Variants in ACSL1 observed in about 807,000 individuals in gnomAD.
The protein encoded by ACSL1 is acyl-CoA synthetase long chain family member 1.
A neutral mutation model predicts 98.4 loss-of-function variants in ACSL1; 41 were observed. The ratio of observed to expected loss-of-function variants is 0.42; its 90% CI spans 0.32 to 0.54. ACSL1 has a LOEUF of 0.54. Ranked by LOEUF, ACSL1 falls within the 20% of genes least tolerant of loss-of-function variation. ACSL1 has a pLI of 0.13. For synonymous variants in ACSL1, 316 were observed against 322.7 expected, an observed-to-expected ratio of 0.98 and a Z score of 0.22; for missense variants, 734 against 883.1, an observed-to-expected ratio of 0.83 and a Z score of 2.14.
At chr4:184,818,370 C>CA (rs1320408429) in intron 1 of ACSL1, among the ~76,000 whole-genome samples, 1 of 152,200 alleles carries the variant, frequency 6.6e-6, no homozygotes, top group African/African-American at 2.4e-5. Context: ...TTCTCCAACA[C>CA]AAGTGAAACT....
intron 3 of ACSL1, among the ~76,000 whole-genome samples, chr4:184,787,127 T>C (rs1767521642): frequency 6.6e-6 from 1 of 152,174 alleles, no homozygotes; most frequent in South Asian, 2.1e-4. Flanking sequence ...CATCAGAGGA[T>C]TTAAATAACA....
Position 184,757,831 on chromosome 4 carries a change from C to T in ACSL1, c.1872G>A (p.Leu624=), listed in dbSNP as rs1762315278. 1 of 1,614,034 alleles carries T rather than the reference C, an allele frequency of 6.2e-7. No homozygotes were observed. The highest frequency in any genetic ancestry group is 1.7e-5 in the Admixed American group (1 of 60,008). The change falls in exon 19 of 21, where the codon CTG becomes CTA. Residue 624 remains leucine (L), a synonymous_variant. Coordinates refer to ENST00000281455, the MANE Select transcript of ACSL1 (RefSeq NM_001995.5). The surrounding 1 kb of genome is among the most constrained non-coding windows in gnomAD (Gnocchi z 4.5). ...KRGFEGSFEE[L]CRNKDVKKAI... The stretch of plus-strand genomic sequence containing the variant: ...TTCAGAACCTTACCTTATTTCTGCA[C>T]AGTTCCTCAAACGACCCTTCAAATC...
chr4:184,778,638 C>T (rs1420200854), intron 5 of ACSL1, among the ~76,000 whole-genome samples: 1 of 152,190 alleles, frequency 6.6e-6, no homozygotes, highest in Non-Finnish European at 1.5e-5. Flanking sequence ...TCTGTCTTGC[C>T]TTACGTGGTA....
intron 1 of ACSL1, among the ~76,000 whole-genome samples, chr4:184,813,445 G>A (rs1476785700): frequency 6.6e-6 from 1 of 152,132 alleles, no homozygotes; most frequent in Non-Finnish European, 1.5e-5. Context: ...TTAGGCTGAC[G>A]CAATCCTTCT....
intron 17 of ACSL1, 141 bp downstream of exon 17, chr4:184,762,266 T>C: frequency 1.3e-6 from 1 of 742,722 alleles, no homozygotes; most frequent in Admixed American, 1.9e-5. Context: ...TGGAACAGTC[T>C]ACATCATACC....
At position 184,825,276 on chromosome 4, in the gene ACSL1, T is replaced by C; in HGVS notation, c.-33+640A>G. Reference sequence around the variant, plus strand: ...GACAGACATCATCTTTGCTTCTCAATTTCAAAAAATGCCAGCACTCCTTAG... The same window carrying C: ...GACAGACATCATCTTTGCTTCTCAACTTCAAAAAATGCCAGCACTCCTTAG... On this transcript the variant is annotated intron_variant, in intron 1 of 20. Coordinates refer to ENST00000281455, the MANE Select transcript of ACSL1 (RefSeq NM_001995.5). The surrounding 1 kb of genome is among the most constrained non-coding windows in gnomAD (Gnocchi z 4.7). 2.0e-6 allele frequency: 2 copies of C among 984,954 alleles called. No homozygotes were observed. The highest frequency in any genetic ancestry group is 1.0e-3 in the Middle Eastern group (2 of 1,912). The allele number at this position is 984,954 out of a possible 1,614,324, so 61.0% of individuals were successfully genotyped here.
At chr4:184,798,704 A>T (rs1475346922) in intron 2 of ACSL1, 2 of 152,438 alleles carry the variant, frequency 1.3e-5, no homozygotes, top group Non-Finnish European at 1.5e-5. Flanking sequence ...GGATGCCTCC[A>T]ATCCAGAGCA....
At chr4:184,788,456 TG>T in intron 3 of ACSL1, 160 bp downstream of exon 3, 2 of 696,622 alleles carry the variant, frequency 2.9e-6, no homozygotes, top group East Asian at 2.8e-5. Flanking sequence ...GAGGGTCCAG[TG>T]AGCTTTGGGA....
intron 1 of ACSL1, among the ~76,000 whole-genome samples, chr4:184,811,089 G>A (rs1326619195): frequency 6.6e-6 from 1 of 152,050 alleles, no homozygotes; most frequent in Non-Finnish European, 1.5e-5. Context: ...ACAATGACAA[G>A]CCACGATGCA....
At chr4:184,826,228 A>G (rs1301638994), upstream of ACSL1, 1 of 149,960 alleles carries the variant, frequency 6.7e-6, no homozygotes, top group Non-Finnish European at 1.5e-5. Context: ...CGGCGGGCGA[A>G]CGCCGCTGGA....
intron 5 of ACSL1, among the ~76,000 whole-genome samples, chr4:184,780,118 C>T (rs945935274): frequency 2.0e-5 from 3 of 152,118 alleles, no homozygotes; most frequent in Non-Finnish European, 2.9e-5. Context: ...GTGACCCACC[C>T]GCCTTGGCCT....
Position 184,825,169 on chromosome 4 carries a change from C to T in ACSL1, c.-33+747G>A. 5.1e-6 allele frequency: 5 copies of T among 985,314 alleles called. No individual in the cohort carries two copies. Among genetic ancestry groups the T allele is most frequent in the Non-Finnish European group, 6.0e-6 (5 of 829,858 alleles). 61.0% of individuals were successfully genotyped at this position (985,314 alleles called of 1,614,324 possible). A position where few individuals can be genotyped will look rare whatever the true frequency, so the allele number is the denominator to read the frequency against. ...TTTCCACACTCTCACAACGCACCGA[C>T]TGGGGGAACGCCTGTCCCCAGACTC... On this transcript the variant is annotated intron_variant, in intron 1 of 20. Coordinates refer to ENST00000281455, the MANE Select transcript of ACSL1 (RefSeq NM_001995.5). The surrounding 1 kb of genome is among the most constrained non-coding windows in gnomAD (Gnocchi z 4.7).
chr4:184,762,369 A>C, intron 17 of ACSL1, 38 bp downstream of exon 17: 1 of 1,525,444 alleles, frequency 6.6e-7, no homozygotes. Context: ...CCCACAGTGG[A>C]ACTGAACTGT....
intron 1 of ACSL1, among the ~76,000 whole-genome samples, chr4:184,819,490 G>C (rs1285765713): frequency 2.0e-5 from 3 of 152,134 alleles, no homozygotes; most frequent in African/African-American, 7.2e-5. Context: ...ACAGACTTGA[G>C]TCTAGAGATT....
chr4:184,817,665 C>T (rs1033208437), intron 1 of ACSL1, among the ~76,000 whole-genome samples: 34 of 152,248 alleles, frequency 2.2e-4, no homozygotes, highest in African/African-American at 7.9e-4. Flanking sequence ...CCTGCAAAAG[C>T]CTGCAAAAAG....
At position 184,757,112 on chromosome 4, in the gene ACSL1, T is replaced by G; in HGVS notation, c.*13A>C. 1 of 1,563,428 alleles carries G rather than the reference T, an allele frequency of 6.4e-7. No homozygotes were observed. The highest frequency in any genetic ancestry group is 8.7e-7 in the Non-Finnish European group (1 of 1,143,342). The stretch of plus-strand genomic sequence containing the variant: ...TGGAACTGTGCCATTTCCTCTGAGC[T>G]TTCTTCTTCACACTAAACCTTGATA... On this transcript the variant is annotated 3_prime_UTR_variant, in exon 21 of 21. Coordinates refer to ENST00000281455, the MANE Select transcript of ACSL1 (RefSeq NM_001995.5). This position sits in a 1 kb window ranked among gnomAD's most constrained non-coding sequence, Gnocchi z 4.5.
At chr4:184,788,227 C>T (rs1430065557) in intron 3 of ACSL1, among the ~76,000 whole-genome samples, 1 of 152,172 alleles carries the variant, frequency 6.6e-6, no homozygotes, top group African/African-American at 2.4e-5. Flanking sequence ...TAACAGAACA[C>T]TGCCATCCTG....
Position 184,773,425 on chromosome 4 carries a change from T to G in ACSL1, c.841+238A>C, listed in dbSNP as rs769299298. 1.4e-4 allele frequency among the ~76,000 whole-genome samples: 21 copies of G among 152,174 alleles called. No homozygotes were observed. The highest frequency in any genetic ancestry group is 3.9e-4 in the African/African-American group (16 of 41,442). On this transcript the variant is annotated intron_variant, in intron 9 of 20. Coordinates refer to ENST00000281455, the MANE Select transcript of ACSL1 (RefSeq NM_001995.5). The surrounding 1 kb of genome is among the most constrained non-coding windows in gnomAD (Gnocchi z 4.3). Reference sequence around the variant, plus strand: ...TTCTTCCTGGGAGCCACCGATATAGTCTGTCCTAGGAAGACAGGTGAATCT... The same window carrying G: ...TTCTTCCTGGGAGCCACCGATATAGGCTGTCCTAGGAAGACAGGTGAATCT...
rs2150511966 is a variant in ACSL1 at position 184,825,272 on chromosome 4, T to G, written c.-33+644A>C. 1.0e-6 allele frequency: 1 copy of G among 985,242 alleles called. No homozygotes were observed. The highest frequency in any genetic ancestry group is 1.1e-4 in the East Asian group (1 of 8,806). 61.0% of individuals were successfully genotyped at this position (985,242 alleles called of 1,614,324 possible). On this transcript the variant is annotated intron_variant, in intron 1 of 20. Coordinates refer to ENST00000281455, the MANE Select transcript of ACSL1 (RefSeq NM_001995.5). This position sits in a 1 kb window ranked among gnomAD's most constrained non-coding sequence, Gnocchi z 4.7. Reference sequence around the variant, plus strand: ...AGGTGACAGACATCATCTTTGCTTCTCAATTTCAAAAAATGCCAGCACTCC... The same window carrying G: ...AGGTGACAGACATCATCTTTGCTTCGCAATTTCAAAAAATGCCAGCACTCC...
Sources: allele counts gnomAD v4.1 joint callset (sites outside exome capture counted in the v4.1 genomes callset), GRCh38; gene constraint gnomAD v4.1.1; non-coding constraint Gnocchi (gnomAD v3.1); transcripts MANE v1.5; gene names NCBI Gene and HGNC (gene_info 2026-07-23, HGNC 2026-07-21).